The following CSMD1 variants were observed in gnomAD, a reference collection of about 807,000 sequenced individuals.
CSMD1 encodes CUB and Sushi multiple domains 1, also known as CUB and sushi domain-containing protein 1.
Under a neutral mutation model 417.5 loss-of-function variants are expected in CSMD1, and 213 were observed. The observed-to-expected ratio is 0.51, with a 90% CI of 0.46 to 0.57. CSMD1 has a LOEUF of 0.57. Among genes scored for constraint, CSMD1 ranks in the 20% least tolerant of loss-of-function variants. The probability of loss-of-function intolerance (pLI) is 0.00; values close to 1 mark genes in which losing one functional copy is unlikely to be tolerated. For synonymous variants in CSMD1, 2,862 were observed against 1,736.8 expected (o/e 1.65, Z -16.11); for missense variants, 6,923 against 4,529.7 (o/e 1.53, Z -15.17).
intron 2 of CSMD1, among the ~76,000 whole-genome samples, chr8:4,476,799 G>T (rs921229652): frequency 6.6e-6 from 1 of 152,164 alleles, no homozygotes; most frequent in Admixed American, 6.5e-5. Context: ...GACACATGAA[G>T]TCCTCCATCA....
chr8:4,497,892 T>C (rs1163778654), intron 2 of CSMD1, among the ~76,000 whole-genome samples: 1 of 152,142 alleles, frequency 6.6e-6, no homozygotes, highest in Non-Finnish European at 1.5e-5. Context: ...CCTGTTGGCG[T>C]TTGAATGCAT....
intron 2 of CSMD1, among the ~76,000 whole-genome samples, chr8:4,556,818 C>T (rs1013648588): frequency 3.9e-5 from 6 of 152,152 alleles, no homozygotes; most frequent in Admixed American, 6.5e-5. Flanking sequence ...TCAAATCAAA[C>T]ACTCATTGGA....
intron 26 of CSMD1, among the ~76,000 whole-genome samples, chr8:3,241,119 G>A (rs144894111): frequency 0.42 from 63,371 of 150,108 alleles, 13,895 homozygotes; most frequent in Admixed American, 0.5. Context: ...GAAGAAGGGC[G>A]GCAATGAGAT....
chr8:4,675,864 T>C (rs1486093299), intron 1 of CSMD1, among the ~76,000 whole-genome samples: 2 of 152,148 alleles, frequency 1.3e-5, no homozygotes, highest in African/African-American at 2.4e-5. Context: ...AGGTGCCTAA[T>C]TGTTTCCTAA....
At chr8:4,030,761 C>A (rs956870708) in intron 4 of CSMD1, among the ~76,000 whole-genome samples, 1 of 152,106 alleles carries the variant, frequency 6.6e-6, no homozygotes, top group Admixed American at 6.5e-5. Context: ...TGTCAGACTG[C>A]AAAGTTCATG....
intron 1 of CSMD1, among the ~76,000 whole-genome samples, chr8:4,733,728 G>A (rs943830557): frequency 6.6e-6 from 1 of 152,116 alleles, no homozygotes; most frequent in Non-Finnish European, 1.5e-5. Flanking sequence ...GAAGTATGTA[G>A]GAACCCATGA....
intron 3 of CSMD1, among the ~76,000 whole-genome samples, chr8:4,104,137 C>A (rs942690348): frequency 6.6e-6 from 1 of 152,180 alleles, no homozygotes; most frequent in Non-Finnish European, 1.5e-5. Flanking sequence ...TGATTCAGTC[C>A]CTCGTCTGCA....
chr8:3,760,433 G>T (rs955294182), intron 5 of CSMD1, among the ~76,000 whole-genome samples: 1 of 152,130 alleles, frequency 6.6e-6, no homozygotes. Flanking sequence ...AATAGAACAG[G>T]CCAGTCTGTT....
In CSMD1 at chr8:3,343,304, G is replaced by A. The variant is rs1807781319; in HGVS notation, c.3621C>T (p.Leu1207=). ...TCGTATGTTACTTACTGGTATAGGT[G>A]AGTTGAAAACCTTGGTCGGTGTCAG... ...NGSDTDQGFQ[L]TYTSFDLVKC... Residue 1207 remains leucine (L), a synonymous_variant, in exon 23 of 70, where the codon CTC becomes CTT. Transcript: ENST00000635120. 4 of 1,613,434 alleles carry A rather than the reference G, an allele frequency of 2.5e-6. No individual in the cohort carries two copies. The highest frequency in any genetic ancestry group is 3.4e-6 in the Non-Finnish European group (4 of 1,179,444).
intron 23 of CSMD1, among the ~76,000 whole-genome samples, chr8:3,339,846 T>C (rs116960102): frequency 4.6e-5 from 7 of 152,186 alleles, no homozygotes; most frequent in Non-Finnish European, 7.3e-5. Flanking sequence ...TATGGCTCCA[T>C]TGGACATCAT....
At chr8:2,994,100 G>A (rs188706001) in intron 54 of CSMD1, among the ~76,000 whole-genome samples, 91 of 128,732 alleles carry the variant, frequency 7.1e-4, no homozygotes, top group Non-Finnish European at 1.1e-3. Flanking sequence ...GAGCTGAGAT[G>A]GCGCCATTGC....
At chr8:3,303,354 A>C (rs755428447) in intron 25 of CSMD1, among the ~76,000 whole-genome samples, 103 of 152,330 alleles carry the variant, frequency 6.8e-4, no homozygotes, top group African/African-American at 2.4e-3. Context: ...TAATCTCTCT[A>C]AAAGCTGATG....
At chr8:3,738,192 C>A (rs1249657535) in intron 6 of CSMD1, among the ~76,000 whole-genome samples, 4 of 151,970 alleles carry the variant, frequency 2.6e-5, no homozygotes, top group African/African-American at 7.3e-5. Context: ...ATTTAATAAG[C>A]ACAGAAATAA....
At chr8:3,912,594 A>G (rs2433246) in intron 5 of CSMD1, among the ~76,000 whole-genome samples, 5,871 of 152,242 alleles carry the variant, frequency 0.039, 360 homozygotes, top group African/African-American at 0.13. Flanking sequence ...GCATGATAGA[A>G]AAGAGAGAGA....
At chr8:3,066,273 A>C (rs1432589037) in intron 49 of CSMD1, among the ~76,000 whole-genome samples, 1 of 152,332 alleles carries the variant, frequency 6.6e-6, no homozygotes, top group East Asian at 1.9e-4. Flanking sequence ...ATTATTTAAA[A>C]CAGATTTAGA....
intron 5 of CSMD1, among the ~76,000 whole-genome samples, chr8:3,854,017 A>G (rs1804113778): frequency 6.8e-6 from 1 of 146,036 alleles, no homozygotes; most frequent in Admixed American, 6.9e-5. Flanking sequence ...CATATAAAAT[A>G]TTATAAATAT....
chr8:3,625,364 GAGA>G (rs1194272303), intron 7 of CSMD1, among the ~76,000 whole-genome samples: 1 of 152,112 alleles, frequency 6.6e-6, no homozygotes, highest in Non-Finnish European at 1.5e-5. Context: ...CCCTGAGTGA[GAGA>G]CAAGGGCTGC....
At chr8:4,595,022 A>ACT (rs201283741) in intron 2 of CSMD1, among the ~76,000 whole-genome samples, 2 of 151,924 alleles carry the variant, frequency 1.3e-5, no homozygotes, top group Non-Finnish European at 2.9e-5. Flanking sequence ...AATATACTGG[A>ACT]TTCCTTGTTG....
At chr8:4,479,133 CT>C in intron 2 of CSMD1, among the ~76,000 whole-genome samples, 1 of 152,194 alleles carries the variant, frequency 6.6e-6, no homozygotes, top group Non-Finnish European at 1.5e-5. Flanking sequence ...AATTACAATT[CT>C]TTAATAAGGT....
Sources: allele counts gnomAD v4.1 joint callset (sites outside exome capture counted in the v4.1 genomes callset), GRCh38; gene constraint gnomAD v4.1.1; transcripts MANE v1.5; gene names NCBI Gene and HGNC (gene_info 2026-07-23, HGNC 2026-07-21).